GUCD1: variants seen among roughly 807,000 people sequenced by gnomAD.
GUCD1 encodes the protein protein GUCD1.
In GUCD1, 17 loss-of-function variants were observed where a neutral mutation model predicts 28.3. The observed-to-expected ratio is 0.60, with a 90% CI of 0.41 to 0.90. The LOEUF (loss-of-function observed/expected upper bound fraction) is 0.90. Among genes scored for constraint, GUCD1 ranks in the 40% least tolerant of loss-of-function variants. The pLI, the probability that GUCD1 is intolerant of heterozygous loss-of-function variation, is 0.00. For synonymous variants in GUCD1, 129 were observed against 123.3 expected (o/e 1.05, Z -0.30); for missense variants, 279 against 305.5 (o/e 0.91, Z 0.65).
chr22:24,554,151 C>T (rs562281341), intron 1 of GUCD1, among the ~76,000 whole-genome samples: 1 of 152,218 alleles, frequency 6.6e-6, no homozygotes, highest in African/African-American at 2.4e-5. Flanking sequence ...AACAACTGCA[C>T]GCAGCGCGCG....
rs2044996264 is a variant in GUCD1 at position 24,554,936 on chromosome 22, G to A, written c.43+13C>T. The stretch of plus-strand genomic sequence containing the variant: ...TCCTAGGGTGAAGACTGGGCCCACA[G>A]AGAGGCACTGACCGGGCTCGAGCGG... On this transcript the variant is annotated intron_variant, in intron 1 of 5. Transcript: ENST00000435822. The A allele has an allele frequency of 6.4e-6, 10 of 1,570,858 alleles. No homozygotes were observed. The East Asian group carries it at 2.2e-4, about 35-fold the overall frequency.
intron 5 of GUCD1, 144 bp downstream of exon 5, chr22:24,543,697 GC>G: frequency 9.4e-7 from 1 of 1,066,940 alleles, no homozygotes; most frequent in Non-Finnish European, 1.3e-6. Context: ...AGTGACAAGA[GC>G]CCAGGAGGAG....
At chr22:24,554,900 G>A (rs976567290) in intron 1 of GUCD1, 49 bp downstream of exon 1, 2 of 1,432,772 alleles carry the variant, frequency 1.4e-6, no homozygotes, top group East Asian at 5.0e-5. Flanking sequence ...CTAGGGAGGG[G>A]TCCCTTTCGT....
chr22:24,553,491 T>C (rs779605174), intron 1 of GUCD1, among the ~76,000 whole-genome samples: 1 of 152,190 alleles, frequency 6.6e-6, no homozygotes, highest in Middle Eastern at 3.2e-3. Flanking sequence ...GCTTGGGGAA[T>C]GGAAGGCGTT....
rs755887604 is a variant in GUCD1, at chr22:24,543,950, G to A, written c.520C>T (p.His174Tyr). 1 of 1,614,062 alleles carries A rather than the reference G, an allele frequency of 6.2e-7. No homozygotes were observed. The highest frequency in any genetic ancestry group is 1.1e-5 in the South Asian group (1 of 91,080). Reference sequence around the variant, plus strand: ...TCAGGAGTGCGGCAGAAGCAGTGGTGGCCACTGGGGGTGAAGCAGCAGTAC... The same window carrying A: ...TCAGGAGTGCGGCAGAAGCAGTGGTAGCCACTGGGGGTGAAGCAGCAGTAC... ...VKYCCFTPSG[H>Y]HCFCRTPDYQ... Residue 174 changes from histidine to tyrosine, a missense_variant, in exon 5 of 6, where the codon CAC becomes TAC. Transcript: ENST00000435822.
rs769393058 is a variant in GUCD1, at chr22:24,540,832, G to C, written c.*2174C>G. The C allele has an allele frequency of 1.3e-5, 2 of 157,380 alleles. No homozygotes were observed. Among genetic ancestry groups the C allele is most frequent in the African/African-American group, 2.4e-5 (1 of 41,506 alleles). 9.7% of individuals were successfully genotyped at this position (157,380 alleles called of 1,614,324 possible). A position where few individuals can be genotyped will look rare whatever the true frequency, so the allele number is the denominator to read the frequency against. On this transcript the variant is annotated 3_prime_UTR_variant, in exon 6 of 6. Transcript: ENST00000435822. ...CCTGAGAAGCCATCCTCTGGGACCA[G>C]AGACTGAGTGTTTCTAAACATTTTG...
upstream of GUCD1, chr22:24,555,861 G>A (rs539241589): frequency 1.6e-5 from 24 of 1,528,622 alleles, no homozygotes; most frequent in African/African-American, 1.9e-4. Flanking sequence ...TATCGTACTG[G>A]TGCCCTAGTT....
chr22:24,554,852 A>T, intron 1 of GUCD1, 97 bp downstream of exon 1: 3 of 906,308 alleles, frequency 3.3e-6, no homozygotes, highest in Non-Finnish European at 5.1e-6. Flanking sequence ...GCGAGGCGGG[A>T]GTCGGCCCAA....
intron 3 of GUCD1, 23 bp downstream of exon 3, chr22:24,547,885 A>C (rs1332118025): frequency 6.2e-7 from 1 of 1,612,730 alleles, no homozygotes; most frequent in Admixed American, 1.7e-5. Flanking sequence ...CCACATGGGA[A>C]GGCCTGGTGG....
rs749738903 is a variant in GUCD1 at position 24,548,052 on chromosome 22, G to C, written c.150C>G (p.Asp50Glu). ...MVLRYLGQLD[D>E]SEFERALQKL... is the part of the protein sequence containing the mutation. ...TCTGCAGGGCTCTCTCAAACTCACT[G>C]TCGTCCAGCTGGCCCAGGTACCTGC... is the stretch of plus-strand genomic sequence containing the variant. The change falls in exon 3 of 6, where the codon GAC becomes GAG. Residue 50 changes from aspartate (D) to glutamate (E), a missense_variant. Transcript: ENST00000435822. The C allele has an allele frequency of 1.9e-6, 3 of 1,614,030 alleles. No individual in the cohort carries two copies. In the East Asian group the frequency reaches 6.7e-5, roughly 36 times the overall value.
chr22:24,550,956 G>A (rs743368), intron 1 of GUCD1, among the ~76,000 whole-genome samples: 9,655 of 152,248 alleles, frequency 0.063, 759 homozygotes, highest in African/African-American at 0.19. Flanking sequence ...CCAAGAGGCA[G>A]GGACCTATCA....
chr22:24,543,007 C>T lies in GUCD1; in HGVS notation c.719G>A (p.Ter240=), dbSNP rs1349259470. The stretch of plus-strand genomic sequence containing the variant: ...CCTAGGCGCACCAGGCTCCTGCTGT[C>T]AGCTGTCCAAGTAGACAAAGAGGAT... ...EDILFVYLDS[*] is the part of the protein sequence containing the mutation. Residue 240 remains the stop codon, a stop_retained_variant, in exon 6 of 6, where the codon TGA becomes TAA. Transcript: ENST00000435822. The T allele has an allele frequency of 1.2e-6, 2 of 1,611,302 alleles. No individual in the cohort carries two copies. The highest frequency in any genetic ancestry group is 2.2e-5 in the South Asian group (2 of 90,988).
At chr22:24,546,868 G>A in intron 4 of GUCD1, 46 bp downstream of exon 4, 2 of 1,506,244 alleles carry the variant, frequency 1.3e-6, no homozygotes, top group South Asian at 2.3e-5. Context: ...ATCTGTGGGT[G>A]AGCAGGCATG....
intron 3 of GUCD1, 177 bp from the exon 4 acceptor site, chr22:24,547,182 CAGG>C: frequency 1.7e-6 from 1 of 596,612 alleles, no homozygotes; most frequent in Non-Finnish European, 3.0e-6. Flanking sequence ...CTGTCCTAAG[CAGG>C]AGCAGGGAAG....
Position 24,544,062 on chromosome 22 carries a change from G to C in GUCD1, c.408C>G (p.Ile136Met), listed in dbSNP as rs1228989287. ...VEKCTVSVKDIQAHLAQGHVA... is the reference protein window; with the variant it reads ...VEKCTVSVKDMQAHLAQGHVA... ...CATGGCCCTGAGCCAGGTGCGCCTG[G>C]ATGTCCTTCACACTCACTGTGCTGT... The change falls in exon 5 of 6, where the codon ATC (isoleucine) becomes ATG (methionine). Residue 136 changes from isoleucine to methionine, a missense_variant. Physicochemically the swap from Ile to Met is conservative, Grantham distance 10. Transcript: ENST00000435822. The C allele has an allele frequency of 5.0e-6, 8 of 1,611,802 alleles. No homozygotes were observed. The highest frequency in any genetic ancestry group is 6.8e-6 in the Non-Finnish European group (8 of 1,178,400).
chr22:24,555,440 T>C (rs1038761579), upstream of GUCD1: 1 of 1,147,828 alleles, frequency 8.7e-7, no homozygotes, highest in Non-Finnish European at 1.2e-6. Flanking sequence ...CTCTGCCGGG[T>C]CCCGCTCTTT....
intron 4 of GUCD1, among the ~76,000 whole-genome samples, chr22:24,545,155 T>G (rs1324611529): frequency 2.6e-5 from 4 of 152,222 alleles, no homozygotes; most frequent in African/African-American, 9.6e-5. Flanking sequence ...CTTGGGGCCT[T>G]CCTTAGGAGT....
Position 24,554,959 on chromosome 22 carries a change from C to A in GUCD1, c.33G>T (p.Pro11=), listed in dbSNP as rs1171566107. Residue 11 remains proline (P), a synonymous_variant, in exon 1 of 6, where the codon CCG becomes CCT. Coordinates refer to ENST00000435822, the MANE Select transcript of GUCD1 (RefSeq NM_001284254.2). The stretch of plus-strand genomic sequence containing the variant: ...CAGAGAGGCACTGACCGGGCTCGAG[C>A]GGCGGCCCCGCTGCCTCCGCCTCCG... MRTEAEAAGP[P]LEPGDFVQLP... The A allele has an allele frequency of 6.4e-7, 1 of 1,567,488 alleles. No individual in the cohort carries two copies.
intron 5 of GUCD1, 78 bp from the exon 6 acceptor site, chr22:24,543,175 G>A (rs2044636935): frequency 7.9e-6 from 8 of 1,011,424 alleles, no homozygotes. Context: ...GTGCCCAGGG[G>A]AGCTGAGTGA....
Sources: allele counts gnomAD v4.1 joint callset (sites outside exome capture counted in the v4.1 genomes callset), GRCh38; gene constraint gnomAD v4.1.1; transcripts MANE v1.5; gene names NCBI Gene and HGNC (gene_info 2026-07-23, HGNC 2026-07-21).